ENTPD6: variants seen among roughly 807,000 people sequenced by gnomAD.
The protein encoded by ENTPD6 is CD39 antigen-like 2.
ENTPD6 carries 46 observed loss-of-function variants against 61.5 expected under a neutral mutation model. The ratio of observed to expected loss-of-function variants is 0.75; its 90% confidence interval spans 0.59 to 0.96. The LOEUF is 0.96. ENTPD6 is among the 40% of genes least tolerant of loss of function. The pLI, the probability that ENTPD6 is intolerant of heterozygous loss-of-function variation, is 0.00. For missense variants in ENTPD6, 612 were observed against 629.0 expected, an observed-to-expected ratio of 0.97 and a Z score of 0.29; for synonymous variants, 252 against 255.5, an observed-to-expected ratio of 0.99 and a Z score of 0.13.
chr20:25,215,601 T>C, intron 6 of ENTPD6, 75 bp from the exon 7 acceptor site: 1 of 1,476,334 alleles, frequency 6.8e-7, no homozygotes, highest in Non-Finnish European at 9.5e-7. Context: ...CTGCAAATAG[T>C]CATTTAACGG....
At chr20:25,225,099 G>C in intron 13 of ENTPD6, 106 bp from the exon 14 acceptor site, 1 of 1,490,162 alleles carries the variant, frequency 6.7e-7, no homozygotes, top group Non-Finnish European at 9.0e-7. Flanking sequence ...AATCCGGAGT[G>C]CGGAGCCAGC....
chr20:25,210,287 A>G (rs2091872626), intron 4 of ENTPD6, among the ~76,000 whole-genome samples: 2 of 152,248 alleles, frequency 1.3e-5, no homozygotes, highest in Admixed American at 1.3e-4. Context: ...TGAATTTTGC[A>G]TAATACATTT....
chr20:25,225,069 C>G, intron 13 of ENTPD6, 136 bp from the exon 14 acceptor site: 2 of 1,395,840 alleles, frequency 1.4e-6, no homozygotes, highest in Non-Finnish European at 1.9e-6. Context: ...CTTCTGCGCT[C>G]AGCTGCGGCC....
At position 25,207,249 on chromosome 20, in the gene ENTPD6, G is replaced by A; in HGVS notation, c.228G>A (p.Arg76=). 1 of 1,614,016 alleles carries A rather than the reference G, an allele frequency of 6.2e-7. No homozygotes were observed. Among genetic ancestry groups the A allele is most frequent in the Non-Finnish European group, 8.5e-7 (1 of 1,179,980 alleles). Reference sequence around the variant, plus strand: ...CCCAGGCCTTCTTCAGCATCACCAGGGCAGCCCCGGGGGCCCGGTGGGGTC... The same window carrying A: ...CCCAGGCCTTCTTCAGCATCACCAGAGCAGCCCCGGGGGCCCGGTGGGGTC... ...TATQAFFSIT[R]AAPGARWGQQ... Residue 76 remains arginine, a synonymous_variant, in exon 3 of 15, where the codon AGG becomes AGA. Coordinates refer to ENST00000376652, the MANE Select transcript of ENTPD6 (RefSeq NM_001247.5).
chr20:25,208,285 G>A (rs1295138295), intron 3 of ENTPD6, among the ~76,000 whole-genome samples: 1 of 152,124 alleles, frequency 6.6e-6, no homozygotes. Flanking sequence ...ATATTTAGAT[G>A]CCATATCTGC....
At chr20:25,199,398 C>T (rs2090836898) in intron 1 of ENTPD6, among the ~76,000 whole-genome samples, 1 of 152,188 alleles carries the variant, frequency 6.6e-6, no homozygotes, top group East Asian at 1.9e-4. Flanking sequence ...TCTTTATCCC[C>T]ATCCCTCACC....
rs144092864 is a variant in ENTPD6, at chr20:25,196,247, G to C, written c.-16+380G>C. On this transcript the variant is annotated intron_variant, in intron 1 of 14. Transcript: ENST00000376652. The stretch of plus-strand genomic sequence containing the variant: ...GGGAAGCTTCGCGTAGCAGTTTCTG[G>C]GAAACAGGTAGGATCAGGCCGCTCG... The C allele has an allele frequency of 9.1e-6, 10 of 1,100,950 alleles. No homozygotes were observed. In the African/African-American group the frequency reaches 1.6e-4, roughly 18 times the overall value. The allele number at this position is 1,100,950 out of a possible 1,614,324, so 68.2% of individuals were successfully genotyped here.
intron 6 of ENTPD6, 30 bp downstream of exon 6, chr20:25,214,972 G>A: frequency 6.8e-7 from 1 of 1,479,736 alleles, no homozygotes; most frequent in Non-Finnish European, 9.5e-7. Context: ...TCTGTACAGT[G>A]GGGCTGTGCA....
At position 25,201,574 on chromosome 20, in the gene ENTPD6, AG is replaced by A. The variant is rs2091035297; in HGVS notation, c.-15-4947del. Among the ~76,000 whole-genome samples the A allele has an allele frequency of 3.3e-5, 5 of 152,192 alleles. No individual in the cohort carries two copies. In the South Asian group the frequency reaches 1.0e-3, roughly 32 times the overall value. ...AGTCTCTTTTGTCTGATATTGGTAC[AG>A]CAACCCCTGCTCTCCTTTGGTCACT... is the stretch of plus-strand genomic sequence containing the variant. On this transcript the variant is annotated intron_variant, in intron 1 of 14. Coordinates refer to ENST00000376652, the MANE Select transcript of ENTPD6 (RefSeq NM_001247.5).
At chr20:25,205,702 T>A (rs570610890) in intron 1 of ENTPD6, among the ~76,000 whole-genome samples, 114 of 152,336 alleles carry the variant, frequency 7.5e-4, no homozygotes, top group Non-Finnish European at 1.3e-3. Flanking sequence ...GGGTGGTTTT[T>A]CCTGTCTCCT....
intron 3 of ENTPD6, 66 bp downstream of exon 3, chr20:25,207,463 C>T (rs2091603510): frequency 7.1e-7 from 1 of 1,413,208 alleles, no homozygotes; most frequent in Non-Finnish European, 9.4e-7. Context: ...GGCCGGGTCC[C>T]CTGCCACAGA....
In ENTPD6 at chr20:25,216,799, A is replaced by G. The variant is rs1400268087; in HGVS notation, c.798+63A>G. On this transcript the variant is annotated intron_variant, in intron 8 of 14. Coordinates refer to ENST00000376652, the MANE Select transcript of ENTPD6 (RefSeq NM_001247.5). ...CGAGGCCACACCGCCATGGGGGTGC[A>G]GGGTGGGGCCTGCTGAGGTGCTGCG... 9.7e-6 allele frequency: 6 copies of G among 620,446 alleles called. No individual in the cohort carries two copies. The East Asian group carries it at 3.1e-4, about 32-fold the overall frequency. The allele number at this position is 620,446 out of a possible 1,614,324, so 38.4% of individuals were successfully genotyped here. A position where few individuals can be genotyped will look rare whatever the true frequency, so the allele number is the denominator to read the frequency against.
Position 25,227,726 on chromosome 20 carries a change from G to C in ENTPD6, c.*2129G>C, listed in dbSNP as rs1473209303. On this transcript the variant is annotated 3_prime_UTR_variant, in exon 15 of 15. Coordinates refer to ENST00000376652, the MANE Select transcript of ENTPD6 (RefSeq NM_001247.5). ...CTTAGCACCCATTGCTGCCCACTGAGCTGCCTCAGTCCTGCAGTCCCCGTG... is the reference window on the plus strand; with the variant it reads ...CTTAGCACCCATTGCTGCCCACTGACCTGCCTCAGTCCTGCAGTCCCCGTG... Among the ~76,000 whole-genome samples, 1 of 152,232 alleles carries C rather than the reference G, an allele frequency of 6.6e-6. No homozygotes were observed. Among genetic ancestry groups the C allele is most frequent in the African/African-American group, 2.4e-5 (1 of 41,448 alleles).
chr20:25,207,065 C>G lies in ENTPD6; in HGVS notation c.55-11C>G, dbSNP rs375055365. On this transcript the variant is annotated splice_polypyrimidine_tract_variant and intron_variant, in intron 2 of 14. Coordinates refer to ENST00000376652, the MANE Select transcript of ENTPD6 (RefSeq NM_001247.5). ...AACGTGCTTTTCCTGCCTCTCCCCC[C>G]TTCCCACCAGCAGCCGCAGCACGGT... is the stretch of plus-strand genomic sequence containing the variant. 6 of 1,591,688 alleles carry G rather than the reference C, an allele frequency of 3.8e-6. No individual in the cohort carries two copies. The highest frequency in any genetic ancestry group is 3.4e-5 in the South Asian group (3 of 89,330).
intron 12 of ENTPD6, 46 bp downstream of exon 12, chr20:25,223,024 G>T: frequency 1.3e-6 from 2 of 1,511,894 alleles, no homozygotes; most frequent in South Asian, 1.2e-5. Flanking sequence ...GGGCGGCAGG[G>T]GGCGGGGGTG....
chr20:25,212,181 A>G (rs2092010672), intron 4 of ENTPD6, among the ~76,000 whole-genome samples: 1 of 152,174 alleles, frequency 6.6e-6, no homozygotes, highest in Admixed American at 6.5e-5. Flanking sequence ...AACCAGCCAC[A>G]TTCCCAGACC....
At chr20:25,197,365 C>A in intron 1 of ENTPD6, 3 of 442,922 alleles carry the variant, frequency 6.8e-6, no homozygotes, top group Non-Finnish European at 9.0e-6. Flanking sequence ...GGAGCCACAC[C>A]TCTCTGTTTG....
intron 6 of ENTPD6, 58 bp from the exon 7 acceptor site, chr20:25,215,618 G>T: frequency 6.4e-7 from 1 of 1,571,340 alleles, no homozygotes. Flanking sequence ...ACGGTCCTGT[G>T]TGTTATGCTT....
chr20:25,208,564 G>A (rs540559494), intron 3 of ENTPD6, among the ~76,000 whole-genome samples: 2 of 152,278 alleles, frequency 1.3e-5, no homozygotes, highest in East Asian at 3.9e-4. Context: ...ATGTCCCAGG[G>A]TTTTCTCTTT....
Sources: allele counts gnomAD v4.1 joint callset (sites outside exome capture counted in the v4.1 genomes callset), GRCh38; gene constraint gnomAD v4.1.1; transcripts MANE v1.5; gene names NCBI Gene and HGNC (gene_info 2026-07-23, HGNC 2026-07-21).